PARD3B: variants seen among roughly 807,000 people sequenced by gnomAD.
PARD3B encodes partitioning defective 3 homolog B.
PARD3B carries 103 observed loss-of-function variants against 130.2 expected under a neutral mutation model. The ratio of observed to expected loss-of-function variants is 0.79; its 90% CI spans 0.67 to 0.93. PARD3B has a LOEUF of 0.93. Among genes scored for constraint, PARD3B ranks in the 40% least tolerant of loss-of-function variants. PARD3B has a pLI of 0.00. For missense variants in PARD3B, 1,609 were observed against 1,499.2 expected, an observed-to-expected ratio of 1.07 and a Z score of -1.21; for synonymous variants, 583 against 553.2, an observed-to-expected ratio of 1.05 and a Z score of -0.76.
At chr2:205,054,416 ATATATATATATATATATATATTTTTTTT>A (rs1699460890) in intron 4 of PARD3B, among the ~76,000 whole-genome samples, 1 of 17,666 alleles carries the variant, frequency 5.7e-5, no homozygotes, top group Non-Finnish European at 1.4e-4. Context: ...ATATATATAT[ATATATATATATATATATATATTTTTTTT>A]TTTTTTTTTT....
intron 18 of PARD3B, among the ~76,000 whole-genome samples, chr2:205,382,598 A>G (rs905362062): frequency 1.3e-5 from 2 of 152,088 alleles, no homozygotes; most frequent in Non-Finnish European, 2.9e-5. Context: ...GGTTCTTGTC[A>G]GTAGCAATAG....
chr2:204,827,550 A>G (rs867204044), intron 2 of PARD3B, among the ~76,000 whole-genome samples: 1 of 152,224 alleles, frequency 6.6e-6, no homozygotes. Context: ...GATAATTTTC[A>G]AAGTACCCAT....
At chr2:204,912,931 A>G (rs576521943) in intron 2 of PARD3B, among the ~76,000 whole-genome samples, 2 of 152,324 alleles carry the variant, frequency 1.3e-5, no homozygotes, top group Non-Finnish European at 2.9e-5. Flanking sequence ...GAAGCATTAA[A>G]GTGATGACTT....
chr2:205,057,716 C>T lies in PARD3B; in HGVS notation c.504+10026C>T, dbSNP rs544089635. ...ATATACATATATGTGTATGTGTATA[C>T]GTATATATACATATATGTGTATGTG... is the stretch of plus-strand genomic sequence containing the variant. On this transcript the variant is annotated intron_variant, in intron 4 of 22. Coordinates refer to ENST00000406610, the MANE Select transcript of PARD3B (RefSeq NM_001302769.2). Among the ~76,000 whole-genome samples the T allele has an allele frequency of 5.0e-4, 71 of 141,716 alleles. 2 individuals carry two copies. The highest frequency in any genetic ancestry group is 1.8e-3 in the African/African-American group (70 of 38,478). 93.0% of individuals were successfully genotyped at this position (141,716 alleles called of 152,430 possible).
In PARD3B at chr2:204,991,072, C is replaced by CTT. The variant is rs201018710; in HGVS notation, c.394+25761_394+25762dup. Among the ~76,000 whole-genome samples the CTT allele has an allele frequency of 3.9e-3, 570 of 145,406 alleles. 6 individuals are homozygous for CTT. Among genetic ancestry groups the CTT allele is most frequent in the African/African-American group, 0.013 (534 of 39,774 alleles). On this transcript the variant is annotated intron_variant, in intron 3 of 22. Coordinates refer to ENST00000406610, the MANE Select transcript of PARD3B (RefSeq NM_001302769.2). Reference sequence around the variant, plus strand: ...GCTCTAAACTATTTCAGTTGTCATTCTTTTTTTTTTTTTATTATACTTATA... The same window carrying CTT: ...GCTCTAAACTATTTCAGTTGTCATTCTTTTTTTTTTTTTTTATTATACTTATA...
Position 205,473,318 on chromosome 2 carries a change from C to T in PARD3B, c.3045-26578C>T, listed in dbSNP as rs886178032. ...TATCATAGGTTAATTTTTCATGGAT[C>T]GTTATGAAAAATATAAACAAACTTA... On this transcript the variant is annotated intron_variant, in intron 20 of 22. Coordinates refer to ENST00000406610, the MANE Select transcript of PARD3B (RefSeq NM_001302769.2). This position sits in a 1 kb window ranked among gnomAD's most constrained non-coding sequence, Gnocchi z 4.9. Among the ~76,000 whole-genome samples, 3 of 151,972 alleles carry T rather than the reference C, an allele frequency of 2.0e-5. No individual in the cohort carries two copies. Among genetic ancestry groups the T allele is most frequent in the Non-Finnish European group, 2.9e-5 (2 of 67,966 alleles).
At chr2:205,383,083 CATAG>C (rs59376156) in intron 18 of PARD3B, among the ~76,000 whole-genome samples, 13,248 of 78,442 alleles carry the variant, frequency 0.17, 800 homozygotes, top group East Asian at 0.21. Flanking sequence ...GGAAAGTTTA[CATAG>C]ATAGATAGAT....
chr2:205,234,298 C>T (rs1338322828), intron 15 of PARD3B, among the ~76,000 whole-genome samples: 5 of 151,924 alleles, frequency 3.3e-5, no homozygotes, highest in South Asian at 2.1e-4. Flanking sequence ...CCAATATGGG[C>T]GCCACAGCAA....
chr2:205,551,682 A>G (rs377120403), intron 21 of PARD3B, among the ~76,000 whole-genome samples: 8 of 152,148 alleles, frequency 5.3e-5, no homozygotes, highest in African/African-American at 1.7e-4. Context: ...GTTTTGCAAC[A>G]TCTCTCCCCA....
intron 18 of PARD3B, among the ~76,000 whole-genome samples, chr2:205,345,571 AT>A (rs1217515851): frequency 2.6e-5 from 4 of 151,766 alleles, no homozygotes; most frequent in African/African-American, 9.7e-5. Context: ...GAATGTTTAT[AT>A]TTGAAGTTAG....
At chr2:205,339,074 T>C (rs899624755) in intron 18 of PARD3B, among the ~76,000 whole-genome samples, 2 of 152,234 alleles carry the variant, frequency 1.3e-5, no homozygotes, top group African/African-American at 4.8e-5. Context: ...GAATATCATT[T>C]TGTTTCAAGT....
chr2:205,336,983 A>AT lies in PARD3B; in HGVS notation c.2630+35282_2630+35283insT, dbSNP rs908946740. Among the ~76,000 whole-genome samples the AT allele has an allele frequency of 1.2e-4, 18 of 152,234 alleles. 1 individual carries two copies. Among genetic ancestry groups the AT allele is most frequent in the South Asian group, 4.1e-4 (2 of 4,820 alleles). ...TCTACTTTTTATTTCTTGTAAAAAA[A>AT]AAAAAAAAGGTAATCTAACCTAACC... is the stretch of plus-strand genomic sequence containing the variant. On this transcript the variant is annotated intron_variant, in intron 18 of 22. Coordinates refer to ENST00000406610, the MANE Select transcript of PARD3B (RefSeq NM_001302769.2).
chr2:205,299,822 C>G lies in PARD3B; in HGVS notation c.2186-708C>G, dbSNP rs143250182. Among the ~76,000 whole-genome samples the G allele has an allele frequency of 5.9e-3, 896 of 152,152 alleles. 7 individuals carry two copies. Among genetic ancestry groups the G allele is most frequent in the African/African-American group, 0.021 (860 of 41,496 alleles). On this transcript the variant is annotated intron_variant, in intron 16 of 22. Coordinates refer to ENST00000406610, the MANE Select transcript of PARD3B (RefSeq NM_001302769.2). Reference sequence around the variant, plus strand: ...TAAAAGGTTGCCTCTTTTCTAGATACCAAATAGGAATACATTCAGAACTAT... The same window carrying G: ...TAAAAGGTTGCCTCTTTTCTAGATAGCAAATAGGAATACATTCAGAACTAT...
chr2:204,586,881 A>G (rs1401484150), intron 1 of PARD3B, among the ~76,000 whole-genome samples: 45 of 152,214 alleles, frequency 3.0e-4, no homozygotes, highest in Admixed American at 2.9e-3. Flanking sequence ...GCTTATGACT[A>G]AACCTGCTGA....
intron 10 of PARD3B, among the ~76,000 whole-genome samples, chr2:205,150,211 CTGTGTGTG>C (rs71409001): frequency 5.5e-4 from 74 of 134,276 alleles, no homozygotes; most frequent in African/African-American, 1.6e-3. Context: ...CAGCCAGGCT[CTGTGTGTG>C]TGTGTGTGTG....
At chr2:205,450,904 T>C (rs2048078183) in intron 20 of PARD3B, among the ~76,000 whole-genome samples, 1 of 152,232 alleles carries the variant, frequency 6.6e-6, no homozygotes, top group African/African-American at 2.4e-5. Flanking sequence ...AAGCTCATCA[T>C]CGGAACTGAG....
intron 2 of PARD3B, among the ~76,000 whole-genome samples, chr2:204,902,624 G>A (rs192236867): frequency 0.022 from 3,106 of 141,420 alleles, 114 homozygotes; most frequent in African/African-American, 0.079. Flanking sequence ...AGCCGAGATC[G>A]CGCCACTGCA....
intron 4 of PARD3B, among the ~76,000 whole-genome samples, chr2:205,069,936 T>A (rs187247274): frequency 8.5e-5 from 13 of 152,306 alleles, no homozygotes; most frequent in African/African-American, 2.9e-4. Context: ...CTTATGCTCA[T>A]CCTATGAAAA....
At chr2:204,833,832 A>G (rs551411784) in intron 2 of PARD3B, among the ~76,000 whole-genome samples, 2 of 152,042 alleles carry the variant, frequency 1.3e-5, no homozygotes, top group Non-Finnish European at 2.9e-5. Flanking sequence ...ATACCTTTTC[A>G]GTGTCTTACC....
Sources: gnomAD v4.1 joint callset for allele counts (sites outside exome capture counted in the v4.1 genomes callset) on GRCh38, gnomAD v4.1.1 for gene constraint, Gnocchi (gnomAD v3.1) non-coding constraint, MANE v1.5 for transcripts, NCBI Gene and HGNC (gene_info 2026-07-23, HGNC 2026-07-21) for gene names.